ANKRD26: variants seen among roughly 807,000 people sequenced by gnomAD.
ANKRD26 encodes the protein ankyrin repeat domain-containing protein 26.
A neutral mutation model predicts 208.7 loss-of-function variants in ANKRD26; 141 were observed. The ratio of observed to expected loss-of-function variants is 0.68; its 90% CI spans 0.59 to 0.78. ANKRD26 has a LOEUF of 0.78. Among genes scored for constraint, ANKRD26 ranks in the 30% least tolerant of loss-of-function variants. The pLI, the probability that ANKRD26 is intolerant of heterozygous loss-of-function variation, is 0.00. For synonymous variants in ANKRD26, 636 were observed against 660.4 expected (o/e 0.96, Z 0.57); for missense variants, 1,889 against 1,938.7 (o/e 0.97, Z 0.48).
chr10:27,042,057 CA>C (rs373454154), intron 20 of ANKRD26, among the ~76,000 whole-genome samples: 49 of 142,622 alleles, frequency 3.4e-4, no homozygotes, highest in Non-Finnish European at 5.5e-4. Flanking sequence ...GCTTATAAGT[CA>C]AAAAAAAAAC....
intron 5 of ANKRD26, among the ~76,000 whole-genome samples, chr10:26,994,369 T>C (rs940348077): frequency 2.0e-5 from 3 of 152,068 alleles, no homozygotes; most frequent in Non-Finnish European, 4.4e-5. Flanking sequence ...CAGGATATCA[T>C]TTTCTCTGGA....
At chr10:26,983,277 C>A (rs2052335933) in intron 3 of ANKRD26, among the ~76,000 whole-genome samples, 1 of 152,010 alleles carries the variant, frequency 6.6e-6, no homozygotes, top group South Asian at 2.1e-4. Flanking sequence ...AGAATGTGTC[C>A]AATGAGACTG....
intron 20 of ANKRD26, among the ~76,000 whole-genome samples, chr10:27,042,622 G>A (rs749567201): frequency 2.9e-4 from 44 of 151,934 alleles, no homozygotes; most frequent in Non-Finnish European, 5.4e-4. Flanking sequence ...GCTTGGTGGC[G>A]GGCACCTGTA....
Position 27,100,201 on chromosome 10 carries a change from G to A in ANKRD26, c.126C>T (p.Val42=). The stretch of plus-strand genomic sequence containing the variant: ...GGATCTTGCCGAGATCTCGGTCTCG[G>A]ACGTGGTAGCCGGGCTGCGAGTAGG... ...EGAYSQPGYH[V]RDRDLGKIHK... The change falls in exon 1 of 34, where the codon GTC becomes GTT. Residue 42 remains valine, a synonymous_variant. Transcript: ENST00000376087. 6.2e-7 allele frequency: 1 copy of A among 1,613,730 alleles called. No individual in the cohort carries two copies. The highest frequency in any genetic ancestry group is 2.2e-5 in the East Asian group (1 of 44,880).
downstream of ANKRD26, among the ~76,000 whole-genome samples, chr10:26,969,338 G>A (rs1325315719): frequency 1.3e-5 from 2 of 152,206 alleles, no homozygotes; most frequent in Non-Finnish European, 2.9e-5. Context: ...TAACTACACG[G>A]TTTTAGAAAG....
the ANKRD26 span, among the ~76,000 whole-genome samples, chr10:26,953,525 A>C: frequency 6.6e-6 from 1 of 152,214 alleles, no homozygotes; most frequent in Non-Finnish European, 1.5e-5. Flanking sequence ...ATAAATGATC[A>C]ATGAATTATC....
exon 4 of ANKRD26, among the ~76,000 whole-genome samples, chr10:26,982,807 C>T (rs928750032): frequency 8.6e-5 from 13 of 151,780 alleles, no homozygotes; most frequent in Admixed American, 2.0e-4. Context: ...CATACCATTA[C>T]GACAACCTAA....
intron 5 of ANKRD26, among the ~76,000 whole-genome samples, chr10:27,084,229 A>AAAAAG (rs1554794487): frequency 8.4e-5 from 12 of 142,124 alleles, no homozygotes; most frequent in African/African-American, 1.5e-4. Context: ...AAAAAAAAAA[A>AAAAAG]AAAAAAGAAA....
downstream of ANKRD26, among the ~76,000 whole-genome samples, chr10:26,971,152 A>C (rs922120783): frequency 6.6e-6 from 1 of 150,748 alleles, no homozygotes; most frequent in African/African-American, 2.4e-5. Flanking sequence ...TTGGGAGGCC[A>C]AGGTGGATAT....
chr10:26,961,149 G>A, the ANKRD26 span, among the ~76,000 whole-genome samples: 7 of 151,182 alleles, frequency 4.6e-5, no homozygotes, highest in East Asian at 7.8e-4. Flanking sequence ...CCTGGGAGGC[G>A]GAGGTTGCAG....
intron 30 of ANKRD26, among the ~76,000 whole-genome samples, 154 bp from the exon 31 acceptor site, chr10:27,014,865 GACATCCCAGGGTTCTA>G (rs1161127235): frequency 6.6e-6 from 1 of 152,108 alleles, no homozygotes; most frequent in African/African-American, 2.4e-5. Context: ...GAGATAAGAG[GACATCCCAGGGTTCTA>G]ATTGAAAAGG....
At chr10:27,043,857 C>T (rs1362672344) in intron 19 of ANKRD26, among the ~76,000 whole-genome samples, 1 of 151,670 alleles carries the variant, frequency 6.6e-6, no homozygotes, top group Non-Finnish European at 1.5e-5. Flanking sequence ...AGTATCGTGA[C>T]CATAGCTCTC....
At chr10:27,022,532 T>G (rs1266213079) in intron 29 of ANKRD26, 26 bp downstream of exon 29, 1 of 1,461,896 alleles carries the variant, frequency 6.8e-7, no homozygotes, top group Non-Finnish European at 9.4e-7. Context: ...GTGACTTTTT[T>G]GGTCCCAAAA....
chr10:26,961,561 T>C, the ANKRD26 span, among the ~76,000 whole-genome samples: 2 of 152,172 alleles, frequency 1.3e-5, no homozygotes, highest in East Asian at 1.9e-4. Flanking sequence ...CTGGGGAGTA[T>C]TGGCCAGGTG....
intron 25 of ANKRD26, chr10:27,030,483 A>G (rs746104880): frequency 4.6e-5 from 45 of 985,338 alleles, no homozygotes; most frequent in Non-Finnish European, 5.3e-5. Context: ...GTCTATGCTG[A>G]GCTGCTTTAG....
At chr10:27,009,585 C>A (rs929126611) in intron 32 of ANKRD26, among the ~76,000 whole-genome samples, 1 of 152,102 alleles carries the variant, frequency 6.6e-6, no homozygotes, top group Non-Finnish European at 1.5e-5. Flanking sequence ...TTGAGGTAGA[C>A]AAGGTGCCAT....
chr10:26,988,256 TCA>T (rs1366989865), downstream of ANKRD26, among the ~76,000 whole-genome samples: 2 of 152,186 alleles, frequency 1.3e-5, no homozygotes, highest in Non-Finnish European at 2.9e-5. Flanking sequence ...AAAATTTCTC[TCA>T]CTCTACTAGG....
chr10:27,077,833 A>C, intron 7 of ANKRD26, 140 bp from the exon 8 acceptor site: 2 of 768,934 alleles, frequency 2.6e-6, no homozygotes, highest in Non-Finnish European at 4.3e-6. Context: ...TGTAGATTTA[A>C]ACCTCAGTTC....
At chr10:27,053,955 G>A (rs1475711766) in intron 15 of ANKRD26, among the ~76,000 whole-genome samples, 3 of 152,016 alleles carry the variant, frequency 2.0e-5, no homozygotes, top group African/African-American at 7.3e-5. Flanking sequence ...CTTTATCATT[G>A]TACATCACGC....
Sources: allele counts gnomAD v4.1 joint callset (sites outside exome capture counted in the v4.1 genomes callset), GRCh38; gene constraint gnomAD v4.1.1; transcripts MANE v1.5; gene names NCBI Gene and HGNC (gene_info 2026-07-23, HGNC 2026-07-21).